Variants in SMARCA2 observed in about 807,000 individuals in gnomAD.
The protein encoded by SMARCA2 is SWI/SNF related BAF chromatin remodeling complex subunit ATPase 2, also known as SWI/SNF-related matrix-associated actin-dependent regulator of chromatin subfamily A member 2.
Under a neutral mutation model 199.8 loss-of-function variants are expected in SMARCA2, and 61 were observed. That is an observed-to-expected ratio of 0.31 (90% CI 0.25 to 0.38). The LOEUF (loss-of-function observed/expected upper bound fraction) is 0.38. Ranked by LOEUF, SMARCA2 falls within the 10% of genes least tolerant of loss-of-function variation. SMARCA2 has a pLI of 1.00. For synonymous variants in SMARCA2, 935 were observed against 732.0 expected (o/e 1.28, Z -4.48); for missense variants, 1,344 against 2,012.2 (o/e 0.67, Z 6.35).
At chr9:2,175,761 A>C (rs1052548313) in intron 29 of SMARCA2, among the ~76,000 whole-genome samples, 3 of 152,118 alleles carry the variant, frequency 2.0e-5, no homozygotes, top group African/African-American at 7.2e-5. Context: ...ATTATTTTTC[A>C]TTATGCTTTG....
chr9:2,072,529 G>A (rs1415905482), intron 10 of SMARCA2, among the ~76,000 whole-genome samples: 2 of 152,148 alleles, frequency 1.3e-5, no homozygotes, highest in Non-Finnish European at 1.5e-5. Context: ...TTTGGAAAAA[G>A]GACACCGGTT....
intron 28 of SMARCA2, among the ~76,000 whole-genome samples, chr9:2,163,906 G>C (rs1260611167): frequency 6.6e-6 from 1 of 151,904 alleles, no homozygotes; most frequent in African/African-American, 2.4e-5. Flanking sequence ...TTTTTGAGGG[G>C]TGGGGGTCAG....
chr9:2,175,526 C>T (rs1222948068), intron 29 of SMARCA2, among the ~76,000 whole-genome samples: 1 of 152,056 alleles, frequency 6.6e-6, no homozygotes, highest in East Asian at 1.9e-4. Flanking sequence ...TTAAAAAGTG[C>T]CAGTTGGTAA....
chr9:2,083,937 C>G (rs1332664075), intron 16 of SMARCA2, 149 bp from the exon 17 acceptor site: 1 of 529,898 alleles, frequency 1.9e-6, no homozygotes, highest in African/African-American at 1.9e-5. Flanking sequence ...TTAGCCAAAA[C>G]TTCCTCGTGT....
rs1448588416 is a variant in SMARCA2 at position 2,123,621 on chromosome 9, C to A, written c.3763-98C>A. 2 of 1,024,246 alleles carry A rather than the reference C, an allele frequency of 2.0e-6. No individual in the cohort carries two copies. Among genetic ancestry groups the A allele is most frequent in the Non-Finnish European group, 3.0e-6 (2 of 664,624 alleles). The allele number at this position is 1,024,246 out of a possible 1,614,324, so 63.4% of individuals were successfully genotyped here. On this transcript the variant is annotated intron_variant, in intron 26 of 33. Coordinates refer to ENST00000349721, the MANE Select transcript of SMARCA2 (RefSeq NM_003070.5). The surrounding 1 kb of genome is among the most constrained non-coding windows in gnomAD (Gnocchi z 4.1). ...ATGAGAGAGGTTGAAAGGGACCCTG[C>A]AGCCATAGGAAGTGACTTGGGGAAG...
intron 27 of SMARCA2, chr9:2,158,678 C>T (rs1299508824): frequency 1.7e-5 from 6 of 349,006 alleles, no homozygotes; most frequent in Non-Finnish European, 1.0e-5. Flanking sequence ...GACCCCCCAG[C>T]CCCCAGCGCT....
intron 14 of SMARCA2, among the ~76,000 whole-genome samples, chr9:2,079,494 T>C (rs1243471493): frequency 6.6e-6 from 1 of 152,236 alleles, no homozygotes; most frequent in Non-Finnish European, 1.5e-5. Context: ...TAGCAGTTTT[T>C]ACCTACCAAT....
At chr9:2,124,449 T>G (rs78566007) in intron 27 of SMARCA2, among the ~76,000 whole-genome samples, 1,679 of 152,326 alleles carry the variant, frequency 0.011, 36 homozygotes, top group African/African-American at 0.037. Context: ...CTTTTAGAGC[T>G]GGAAGGTACC....
At chr9:2,133,049 C>T (rs1472809377) in intron 27 of SMARCA2, among the ~76,000 whole-genome samples, 3 of 152,058 alleles carry the variant, frequency 2.0e-5, no homozygotes, top group Non-Finnish European at 4.4e-5. Flanking sequence ...CTTGGAATTT[C>T]TGGTCTTGAG....
Position 2,076,420 on chromosome 9 carries a change from C to G in SMARCA2, c.2036+91C>G, listed in dbSNP as rs1586678673. 3.7e-6 allele frequency: 3 copies of G among 808,606 alleles called. No individual in the cohort carries two copies. In the East Asian group the frequency reaches 7.3e-5, roughly 20 times the overall value. The allele number at this position is 808,606 out of a possible 1,614,324, so 50.1% of individuals were successfully genotyped here. A position where few individuals can be genotyped will look rare whatever the true frequency, so the allele number is the denominator to read the frequency against. Reference sequence around the variant, plus strand: ...AGGAAATTTTGTTCAAGGAAGGCAACTAACTTCACGCCTACACTCTGCTTG... The same window carrying G: ...AGGAAATTTTGTTCAAGGAAGGCAAGTAACTTCACGCCTACACTCTGCTTG... On this transcript the variant is annotated intron_variant, in intron 13 of 33. Transcript: ENST00000349721.
intron 32 of SMARCA2, among the ~76,000 whole-genome samples, chr9:2,190,296 A>G (rs7859695): frequency 0.26 from 39,340 of 152,102 alleles, 7,043 homozygotes; most frequent in African/African-American, 0.5. Context: ...CTCAAATTCT[A>G]CCAAGATACA....
At chr9:2,168,401 C>T (rs1826049634) in intron 28 of SMARCA2, among the ~76,000 whole-genome samples, 1 of 152,208 alleles carries the variant, frequency 6.6e-6, no homozygotes, top group Non-Finnish European at 1.5e-5. Flanking sequence ...TTCCTATACA[C>T]ACTGAAAAGT....
At chr9:2,158,803 T>C in intron 27 of SMARCA2, 1 of 639,654 alleles carries the variant, frequency 1.6e-6, no homozygotes, top group Non-Finnish European at 2.5e-6. Context: ...CTACTCTTTA[T>C]GTGCGAAAAG....
At chr9:2,081,584 G>A (rs1821570060) in intron 14 of SMARCA2, among the ~76,000 whole-genome samples, 1 of 152,166 alleles carries the variant, frequency 6.6e-6, no homozygotes, top group Admixed American at 6.5e-5. Flanking sequence ...ACTAAGTGTG[G>A]ATGAGCGGCA....
At chr9:2,083,949 T>C (rs1215026533) in intron 16 of SMARCA2, 137 bp from the exon 17 acceptor site, 1 of 574,098 alleles carries the variant, frequency 1.7e-6, no homozygotes, top group Non-Finnish European at 3.1e-6. Context: ...TCCTCGTGTA[T>C]AATAGATCAG....
chr9:2,085,924 C>G (rs1821784718), intron 17 of SMARCA2: 1 of 152,126 alleles, frequency 6.6e-6, no homozygotes, highest in African/African-American at 2.4e-5. Context: ...GAACAGTGCT[C>G]TTAAGAGGAC....
At chr9:2,073,758 G>C in intron 12 of SMARCA2, 135 bp downstream of exon 12, 1 of 663,100 alleles carries the variant, frequency 1.5e-6, no homozygotes, top group South Asian at 1.9e-5. Context: ...TGACAGCTGG[G>C]GCTAAGGATT....
At chr9:2,053,464 C>A (rs2130327129) in intron 5 of SMARCA2, among the ~76,000 whole-genome samples, 1 of 152,158 alleles carries the variant, frequency 6.6e-6, no homozygotes, top group South Asian at 2.1e-4. Context: ...AATCTTGGCC[C>A]CCTTCTTTAC....
At chr9:2,165,565 A>T (rs576993558) in intron 28 of SMARCA2, among the ~76,000 whole-genome samples, 1 of 152,182 alleles carries the variant, frequency 6.6e-6, no homozygotes, top group Non-Finnish European at 1.5e-5. Flanking sequence ...AGAAAACTTT[A>T]TATCAAGTAG....
Sources: allele counts gnomAD v4.1 joint callset (sites outside exome capture counted in the v4.1 genomes callset), GRCh38; gene constraint gnomAD v4.1.1; non-coding constraint Gnocchi (gnomAD v3.1); transcripts MANE v1.5; gene names NCBI Gene and HGNC (gene_info 2026-07-23, HGNC 2026-07-21).